Variants in ADRM1 observed in about 807,000 individuals in gnomAD.
ADRM1 encodes proteasomal ubiquitin receptor ADRM1.
A neutral mutation model predicts 40.1 loss-of-function variants in ADRM1; 2 were observed. That is an observed-to-expected ratio of 0.05 (90% CI 0.02 to 0.16). The LOEUF (loss-of-function observed/expected upper bound fraction) is 0.16. ADRM1 is among the 10% of genes least tolerant of loss of function. ADRM1 has a pLI of 1.00. For synonymous variants in ADRM1, 287 were observed against 240.4 expected (o/e 1.19, Z -1.79); for missense variants, 467 against 552.5 (o/e 0.85, Z 1.55).
At chr20:62,306,414 G>C (rs1396698458) in intron 4 of ADRM1, 94 bp downstream of exon 4, 1 of 1,595,064 alleles carries the variant, frequency 6.3e-7, no homozygotes. Flanking sequence ...TTGTTTGGAA[G>C]TGGAAATAGA....
At position 62,303,501 on chromosome 20, in the gene ADRM1, G is replaced by T. The variant is rs1466127369; in HGVS notation, c.-1-67G>T. The T allele has an allele frequency of 2.2e-5, 33 of 1,488,664 alleles. No homozygotes were observed. In the East Asian group the frequency reaches 7.5e-4, roughly 34 times the overall value. 92.2% of individuals were successfully genotyped at this position (1,488,664 alleles called of 1,614,324 possible). A position where few individuals can be genotyped will look rare whatever the true frequency, so the allele number is the denominator to read the frequency against. On this transcript the variant is annotated intron_variant, in intron 1 of 9. Coordinates refer to ENST00000253003, the MANE Select transcript of ADRM1 (RefSeq NM_007002.4). ...CCCCCTGCTCGCAAACACCCCAGGG[G>T]GCGGGAGCTTGCCGGACCGCAGGCG...
chr20:62,307,586 C>G lies in ADRM1; in HGVS notation c.624-10C>G. On this transcript the variant is annotated splice_polypyrimidine_tract_variant and intron_variant, in intron 6 of 9. Coordinates refer to ENST00000253003, the MANE Select transcript of ADRM1 (RefSeq NM_007002.4). ...CGTGTCCGCTCCAGCGGTGCCCTCT[C>G]TCTTCGCAGCTCCCGGAGCCAGTCG... 6.2e-7 allele frequency: 1 copy of G among 1,608,852 alleles called. No individual in the cohort carries two copies.
chr20:62,308,552 TGA>T (rs1452197940), intron 9 of ADRM1, 82 bp downstream of exon 9: 3 of 1,560,756 alleles, frequency 1.9e-6, no homozygotes, highest in South Asian at 2.3e-5. Flanking sequence ...GAAGTGGGGC[TGA>T]GGGGGTAAAG....
chr20:62,303,487 C>CA, intron 1 of ADRM1, 81 bp from the exon 2 acceptor site: 1 of 1,421,608 alleles, frequency 7.0e-7, no homozygotes, highest in Non-Finnish European at 9.4e-7. Context: ...CCCCTGCTCG[C>CA]AAACACCCCA....
Position 62,304,490 on chromosome 20 carries a change from G to A in ADRM1, c.243G>A (p.Glu81=), listed in dbSNP as rs1263973877. 1 of 1,613,914 alleles carries A rather than the reference G, an allele frequency of 6.2e-7. No individual in the cohort carries two copies. Among genetic ancestry groups the A allele is most frequent in the Non-Finnish European group, 8.5e-7 (1 of 1,179,930 alleles). ...TGATCATCTTCCCTGACGACTGTGA[G>A]TTCAAGCGGGTGCCGCAGTGCCCCA... ...DDLIIFPDDC[E]FKRVPQCPSG... is the part of the protein sequence containing the mutation. Residue 81 remains glutamate, a synonymous_variant, in exon 3 of 10, where the codon GAG becomes GAA. Coordinates refer to ENST00000253003, the MANE Select transcript of ADRM1 (RefSeq NM_007002.4).
chr20:62,304,415 G>A (rs1984587880), intron 2 of ADRM1, 46 bp from the exon 3 acceptor site: 2 of 1,536,792 alleles, frequency 1.3e-6, no homozygotes, highest in South Asian at 2.3e-5. Flanking sequence ...ACTGGGCACA[G>A]TGATGCCATC....
chr20:62,307,342 C>G (rs1390170995), intron 5 of ADRM1, 29 bp from the exon 6 acceptor site: 1 of 1,591,600 alleles, frequency 6.3e-7, no homozygotes. Context: ...AGAGGGCATC[C>G]TGAGCTCGCA....
chr20:62,303,357 C>G (rs957636894), intron 1 of ADRM1: 1 of 505,282 alleles, frequency 2.0e-6, no homozygotes, highest in Non-Finnish European at 3.5e-6. Flanking sequence ...CCCCACTAGG[C>G]TTGGCGGGGC....
rs772037998 is a variant in ADRM1, at chr20:62,306,332, A to G, written c.454+12A>G. ...CTCTGCGCTAGGCGGTAACTGTCAC[A>G]TGTGTCACGTGAGCTCAGGGTTTCC... On this transcript the variant is annotated intron_variant, in intron 4 of 9. Coordinates refer to ENST00000253003, the MANE Select transcript of ADRM1 (RefSeq NM_007002.4). 24 of 1,612,404 alleles carry G rather than the reference A, an allele frequency of 1.5e-5. No individual in the cohort carries two copies. In the South Asian group the frequency reaches 2.0e-4, roughly 13 times the overall value.
At chr20:62,306,362 A>G (rs1220457439) in intron 4 of ADRM1, 42 bp downstream of exon 4, 1 of 1,611,888 alleles carries the variant, frequency 6.2e-7, no homozygotes, top group East Asian at 2.2e-5. Flanking sequence ...GTTTCCTGGG[A>G]GGCCAGAGTC....
Position 62,303,492 on chromosome 20 carries a change from A to G in ADRM1, c.-1-76A>G, listed in dbSNP as rs1193431535. ...GGGCGCAGGCCCCCTGCTCGCAAAC[A>G]CCCCAGGGGGCGGGAGCTTGCCGGA... is the stretch of plus-strand genomic sequence containing the variant. On this transcript the variant is annotated intron_variant, in intron 1 of 9. Coordinates refer to ENST00000253003, the MANE Select transcript of ADRM1 (RefSeq NM_007002.4). 3 of 1,434,246 alleles carry G rather than the reference A, an allele frequency of 2.1e-6. No homozygotes were observed. The African/African-American group carries it at 4.3e-5, about 20-fold the overall frequency. 88.8% of individuals were successfully genotyped at this position (1,434,246 alleles called of 1,614,324 possible). A position where few individuals can be genotyped will look rare whatever the true frequency, so the allele number is the denominator to read the frequency against.
chr20:62,305,815 C>CGCTGCCTTCCACT (rs1407486854), intron 3 of ADRM1: 21 of 239,964 alleles, frequency 8.8e-5, no homozygotes, highest in Non-Finnish European at 4.2e-5. Context: ...CGGGCCAGTT[C>CGCTGCCTTCCACT]GCTGCCTTCC....
At chr20:62,305,569 T>G in intron 3 of ADRM1, 1 of 152,172 alleles carries the variant, frequency 6.6e-6, no homozygotes, top group East Asian at 1.9e-4. Context: ...TTTCCCCGAT[T>G]TTCCTGTTGG....
Position 62,307,443 on chromosome 20 carries a change from C to G in ADRM1, c.614C>G (p.Ser205Cys), listed in dbSNP as rs764186844. The stretch of plus-strand genomic sequence containing the variant: ...AGCAGTGGGCCTCCAGGGAGCAGCT[C>G]CTCCTCCAGGTGAGCCTCATCGCTC... ...LGSSGPPGSS[S>C]SSSSRSQSAA... The change falls in exon 6 of 10, where the codon TCC becomes TGC. Residue 205 changes from serine to cysteine, a missense_variant. Physicochemically the swap from Ser to Cys is moderately radical, Grantham distance 112. Around this residue, in one of 3 missense-constraint regions of ADRM1, gnomAD observed 418 missense variants for 474.6 expected, o/e 0.88. Transcript: ENST00000253003. The G allele has an allele frequency of 1.2e-6, 2 of 1,609,126 alleles. No individual in the cohort carries two copies. Among genetic ancestry groups the G allele is most frequent in the Admixed American group, 1.7e-5 (1 of 59,664 alleles).
In ADRM1 at chr20:62,307,672, C is replaced by G; in HGVS notation, c.700C>G (p.Pro234Ala). 1.2e-6 allele frequency: 2 copies of G among 1,612,274 alleles called. No individual in the cohort carries two copies. Among genetic ancestry groups the G allele is most frequent in the South Asian group, 1.1e-5 (1 of 91,074 alleles). ...CCGTGCCACCCCAGCCCCTTCTGCT[C>G]CAGCAGCTGCCTCAGCAACTAGCCC... ...STRATPAPSA[P>A]AAASATSPSP... The change falls in exon 7 of 10, where the codon CCA (proline) becomes GCA (alanine). Residue 234 changes from proline (P) to alanine (A), a missense_variant. This residue lies in a region of ADRM1 where 418 missense variants were observed against 474.6 expected (regional missense o/e 0.88). Coordinates refer to ENST00000253003, the MANE Select transcript of ADRM1 (RefSeq NM_007002.4).
In ADRM1 at chr20:62,303,441, T is replaced by A. The variant is rs1984410008; in HGVS notation, c.-1-127T>A. 1.1e-5 allele frequency: 10 copies of A among 917,228 alleles called. No homozygotes were observed. In the South Asian group the frequency reaches 1.6e-4, roughly 15 times the overall value. 56.8% of individuals were successfully genotyped at this position (917,228 alleles called of 1,614,324 possible). A position where few individuals can be genotyped will look rare whatever the true frequency, so the allele number is the denominator to read the frequency against. On this transcript the variant is annotated intron_variant, in intron 1 of 9. Transcript: ENST00000253003. ...GCAAACGCGGAAAGGCAGCCCGGCG[T>A]GTCTGAGTCTGCCTTAGGCAGCTCT... is the stretch of plus-strand genomic sequence containing the variant.
At position 62,306,300 on chromosome 20, in the gene ADRM1, A is replaced by C; in HGVS notation, c.434A>C (p.His145Pro). The C allele has an allele frequency of 1.9e-6, 3 of 1,612,872 alleles. No individual in the cohort carries two copies. Among genetic ancestry groups the C allele is most frequent in the Non-Finnish European group, 2.5e-6 (3 of 1,179,856 alleles). Residue 145 changes from histidine (H) to proline (P), a missense_variant, in exon 4 of 10, where the codon CAC becomes CCC. By Grantham distance (77) the His-to-Pro change is moderately conservative. Transcript: ENST00000253003. The stretch of plus-strand genomic sequence containing the variant: ...CTGGGGGCCAGCGGAAGCAGCGGCC[A>C]CGAACTCTCTGCGCTAGGCGGTAAC... The part of the protein sequence containing the change: ...GALGASGSSG[H>P]ELSALGGEGG...
At chr20:62,306,831 T>C in intron 5 of ADRM1, 97 bp downstream of exon 5, 1 of 1,201,504 alleles carries the variant, frequency 8.3e-7, no homozygotes, top group Non-Finnish European at 1.2e-6. Context: ...TCTGTCTGCG[T>C]AGTGTCGGGG....
intron 5 of ADRM1, 118 bp from the exon 6 acceptor site, chr20:62,307,253 C>T: frequency 9.7e-7 from 1 of 1,026,244 alleles, no homozygotes; most frequent in Non-Finnish European, 1.4e-6. Context: ...GTCCCCACCG[C>T]CCCGCTTCTT....
Sources: gnomAD v4.1 joint callset for allele counts on GRCh38, gnomAD v4.1.1 for gene constraint, gnomAD v4.1.1 regional missense constraint, MANE v1.5 for transcripts, NCBI Gene and HGNC (gene_info 2026-07-23, HGNC 2026-07-21) for gene names.